Variants in CEP128 observed in about 807,000 individuals in gnomAD.
CEP128 encodes the protein centrosomal protein 128, also known as centrosomal protein 128kDa.
A neutral mutation model predicts 156.7 loss-of-function variants in CEP128; 132 were observed. The ratio of observed to expected loss-of-function variants is 0.84; its 90% CI spans 0.73 to 0.97. The LOEUF (loss-of-function observed/expected upper bound fraction) is 0.97, where lower values mean the gene tolerates loss of function less well. Among genes scored for constraint, CEP128 ranks in the 50% least tolerant of loss-of-function variants. CEP128 has a pLI of 0.00. For missense variants in CEP128, 1,252 were observed against 1,281.9 expected, an observed-to-expected ratio of 0.98 and a Z score of 0.36; for synonymous variants, 469 against 448.9, an observed-to-expected ratio of 1.04 and a Z score of -0.57.
intron 2 of CEP128, among the ~76,000 whole-genome samples, chr14:80,934,481 T>A (rs566442804): frequency 2.1e-4 from 32 of 152,306 alleles, no homozygotes; most frequent in African/African-American, 7.2e-4. Flanking sequence ...CACCTAGGTA[T>A]GACAGATACT....
At chr14:80,949,220 T>G (rs1886407960) in intron 2 of CEP128, among the ~76,000 whole-genome samples, 1 of 152,144 alleles carries the variant, frequency 6.6e-6, no homozygotes, top group Non-Finnish European at 1.5e-5. Context: ...TGCCACAACT[T>G]ACTGCCTTGA....
rs1409098112 is a variant in CEP128, at chr14:80,673,650, A to AAAAAAAAAAC, written c.2806+69424_2806+69425insGTTTTTTTTT. Among the ~76,000 whole-genome samples the AAAAAAAAAAC allele has an allele frequency of 8.9e-5, 13 of 146,048 alleles. 1 individual carries two copies. The highest frequency in any genetic ancestry group is 3.0e-4 in the African/African-American group (12 of 39,382). Reference sequence around the variant, plus strand: ...GACAGAGCGAGACTCCGTCTCAAAAAAAAAAAAAAAAAAAAAAAAAATGTA... The same window carrying AAAAAAAAAAC: ...GACAGAGCGAGACTCCGTCTCAAAAAAAAAAAAAACAAAAAAAAAAAAAAAAAAAAATGTA... On this transcript the variant is annotated intron_variant, in intron 19 of 24. Transcript: ENST00000555265.
chr14:80,550,810 T>C (rs1255395025), intron 21 of CEP128, among the ~76,000 whole-genome samples: 2 of 107,210 alleles, frequency 1.9e-5, no homozygotes, highest in African/African-American at 1.1e-4. Context: ...AAATGTGAAA[T>C]GTAAAAAAAA....
chr14:80,663,948 C>A (rs1048335342), intron 19 of CEP128, among the ~76,000 whole-genome samples: 2 of 152,192 alleles, frequency 1.3e-5, no homozygotes, highest in African/African-American at 4.8e-5. Context: ...AACTCTTACC[C>A]TAAACTGCCC....
intron 19 of CEP128, among the ~76,000 whole-genome samples, chr14:80,680,282 A>G (rs2619669): frequency 6.6e-6 from 1 of 152,060 alleles, no homozygotes; most frequent in Non-Finnish European, 1.5e-5. Flanking sequence ...CTAGGTGCCC[A>G]AGTATGCTCC....
intron 19 of CEP128, among the ~76,000 whole-genome samples, chr14:80,678,047 A>ATATATATATATAT (rs1555390193): frequency 0.038 from 2,611 of 68,334 alleles, 62 homozygotes; most frequent in East Asian, 0.081. Flanking sequence ...CTATAAAAAA[A>ATATATATATATAT]AAATATATAT....
chr14:80,521,488 C>A (rs1888743354), intron 23 of CEP128, among the ~76,000 whole-genome samples: 2 of 151,896 alleles, frequency 1.3e-5, no homozygotes, highest in African/African-American at 4.8e-5. Context: ...GATTTTATAA[C>A]AAAGAAAAAA....
intron 2 of CEP128, among the ~76,000 whole-genome samples, chr14:80,954,163 G>C (rs1481477835): frequency 6.6e-6 from 1 of 151,924 alleles, no homozygotes; most frequent in East Asian, 1.9e-4. Flanking sequence ...CCAGCTACTC[G>C]GGAGGCTGAG....
At chr14:80,900,183 A>G (rs1402116093) in intron 6 of CEP128, among the ~76,000 whole-genome samples, 154 bp from the exon 7 acceptor site, 1 of 152,204 alleles carries the variant, frequency 6.6e-6, no homozygotes. Flanking sequence ...AAAGAAAAAA[A>G]TTTTCCAAGA....
At chr14:80,587,695 G>T (rs765203686) in intron 19 of CEP128, among the ~76,000 whole-genome samples, 2 of 152,144 alleles carry the variant, frequency 1.3e-5, no homozygotes, top group Non-Finnish European at 2.9e-5. Context: ...CATGAGCAGA[G>T]AAAGTAAGAA....
chr14:80,825,078 AT>A (rs752488983), intron 13 of CEP128, among the ~76,000 whole-genome samples: 6 of 152,220 alleles, frequency 3.9e-5, no homozygotes, highest in Non-Finnish European at 5.9e-5. Context: ...TTATAAAACC[AT>A]CAGATCTCAT....
At chr14:80,855,940 T>C (rs1043939125) in intron 9 of CEP128, among the ~76,000 whole-genome samples, 5 of 152,190 alleles carry the variant, frequency 3.3e-5, no homozygotes, top group South Asian at 2.1e-4. Context: ...ACCCGAGGCT[T>C]TTCTTATGTG....
chr14:80,891,590 A>C (rs1484077939), intron 8 of CEP128, among the ~76,000 whole-genome samples: 1 of 151,570 alleles, frequency 6.6e-6, no homozygotes, highest in Non-Finnish European at 1.5e-5. Flanking sequence ...AGGTGCAAAA[A>C]AAAAAAAAAA....
chr14:80,792,083 T>A (rs1901736917), intron 14 of CEP128, among the ~76,000 whole-genome samples: 1 of 152,198 alleles, frequency 6.6e-6, no homozygotes, highest in South Asian at 2.1e-4. Context: ...CAAAGATATA[T>A]CAGATGAGAA....
At chr14:80,738,142 A>G (rs1485688041) in intron 19 of CEP128, among the ~76,000 whole-genome samples, 3 of 152,212 alleles carry the variant, frequency 2.0e-5, no homozygotes, top group Non-Finnish European at 4.4e-5. Flanking sequence ...AGAATAAGTG[A>G]TAGACGAATG....
chr14:80,673,796 CTT>C lies in CEP128; in HGVS notation c.2806+69277_2806+69278del, dbSNP rs537286661. 2.0e-5 allele frequency among the ~76,000 whole-genome samples: 3 copies of C among 146,684 alleles called. 1 individual carries two copies. Among genetic ancestry groups the C allele is most frequent in the Non-Finnish European group, 4.5e-5 (3 of 66,406 alleles). ...TTTTCTTTTCTCTTTCTCTCTCTCT[CTT>C]TTTTTTTTAGCATCAGAATGCTACA... On this transcript the variant is annotated intron_variant, in intron 19 of 24. Coordinates refer to ENST00000555265, the MANE Select transcript of CEP128 (RefSeq NM_152446.5).
At chr14:80,688,340 C>G (rs1019302897) in intron 19 of CEP128, among the ~76,000 whole-genome samples, 99 of 152,250 alleles carry the variant, frequency 6.5e-4, no homozygotes, top group African/African-American at 2.2e-3. Flanking sequence ...AACCTTAACG[C>G]TCTGCTCCCT....
At chr14:80,809,089 C>CA (rs1884355959) in intron 13 of CEP128, among the ~76,000 whole-genome samples, 1 of 151,536 alleles carries the variant, frequency 6.6e-6, no homozygotes, top group Admixed American at 6.6e-5. Flanking sequence ...CAGTGAAAGA[C>CA]AAAAAAATTA....
intron 19 of CEP128, among the ~76,000 whole-genome samples, chr14:80,593,660 C>A (rs1164009309): frequency 6.6e-6 from 1 of 151,886 alleles, no homozygotes; most frequent in Non-Finnish European, 1.5e-5. Context: ...AAATCACAAG[C>A]ATTCCTATAC....
Sources: allele counts gnomAD v4.1 joint callset (sites outside exome capture counted in the v4.1 genomes callset), GRCh38; gene constraint gnomAD v4.1.1; transcripts MANE v1.5; gene names NCBI Gene and HGNC (gene_info 2026-07-23, HGNC 2026-07-21).